Variants in PTPRN observed in about 807,000 individuals in gnomAD.
PTPRN encodes receptor-type tyrosine-protein phosphatase-like N.
In PTPRN, 70 loss-of-function variants were observed where a neutral mutation model predicts 108.5. That is an observed-to-expected ratio of 0.65 (90% CI 0.53 to 0.79). The LOEUF (loss-of-function observed/expected upper bound fraction) is 0.79, where lower values mean the gene tolerates loss of function less well. Among genes scored for constraint, PTPRN ranks in the 30% least tolerant of loss-of-function variants. The pLI is 0.00. For missense variants in PTPRN, 1,136 were observed against 1,295.5 expected (o/e 0.88, Z 1.89); for synonymous variants, 496 against 524.6 (o/e 0.95, Z 0.75).
chr2:219,290,046 G>A lies in PTPRN; in HGVS notation c.*180C>T. On this transcript the variant is annotated 3_prime_UTR_variant, in exon 23 of 23. Coordinates refer to ENST00000295718, the MANE Select transcript of PTPRN (RefSeq NM_002846.4). This position sits in a 1 kb window ranked among gnomAD's most constrained non-coding sequence, Gnocchi z 4.2. Reference sequence around the variant, plus strand: ...TGCCCTGGGCTCTGGGATGCCCCAGGCTCTGGCATGCGAGGCTGGGCAGGC... The same window carrying A: ...TGCCCTGGGCTCTGGGATGCCCCAGACTCTGGCATGCGAGGCTGGGCAGGC... 1.6e-6 allele frequency: 1 copy of A among 628,648 alleles called. No homozygotes were observed. Among genetic ancestry groups the A allele is most frequent in the Non-Finnish European group, 2.9e-6 (1 of 350,436 alleles). 38.9% of individuals were successfully genotyped at this position (628,648 alleles called of 1,614,324 possible).
Position 219,294,962 on chromosome 2 carries a change from CGCCCGCGCTCACCTGCGGAA to C in PTPRN, c.2668_2675+12del. 1.3e-6 allele frequency: 2 copies of C among 1,540,848 alleles called. No individual in the cohort carries two copies. The highest frequency in any genetic ancestry group is 8.7e-7 in the Non-Finnish European group (1 of 1,145,646). On this transcript the variant is annotated splice_donor_variant and splice_donor_5th_base_variant and coding_sequence_variant and intron_variant, in exon 19 of 23. Transcript: ENST00000295718. LOFTEE classifies it high-confidence loss of function. ...CCCATGCGGTCCCTCCAGGCGGGGG[CGCCCGCGCTCACCTGCGGAA>C]GTCCAGCAGGGGCCGCGTGGAGGCC...
In PTPRN at chr2:219,296,907, C is replaced by T. The variant is rs1411802282; in HGVS notation, c.2236+78G>A. On this transcript the variant is annotated intron_variant, in intron 15 of 22. Coordinates refer to ENST00000295718, the MANE Select transcript of PTPRN (RefSeq NM_002846.4). This position sits in a 1 kb window ranked among gnomAD's most constrained non-coding sequence, Gnocchi z 6.0. The stretch of plus-strand genomic sequence containing the variant: ...CTGCCACTCAGCCTGAGCCAGAAGC[C>T]CAACCCCTTACCCCAAGCCCTCCAG... The T allele has an allele frequency of 6.2e-7, 1 of 1,612,374 alleles. No homozygotes were observed. Among genetic ancestry groups the T allele is most frequent in the Non-Finnish European group, 8.5e-7 (1 of 1,178,940 alleles).
chr2:219,296,773 G>T lies in PTPRN; in HGVS notation c.2286C>A (p.Ser762Arg). Residue 762 changes from serine to arginine, a missense_variant, in exon 16 of 23, where the codon AGC (serine) becomes AGA (arginine). Coordinates refer to ENST00000295718, the MANE Select transcript of PTPRN (RefSeq NM_002846.4). The surrounding 1 kb of genome is among the most constrained non-coding windows in gnomAD (Gnocchi z 6.0). The part of the protein sequence containing the change: ...KLKVESSPSR[S>R]DYINASPIIE... ...CAATGGGGCTGGCGTTGATGTAATC[G>T]CTCCGAGAAGGGCTGCTCTCCACCT... is the stretch of plus-strand genomic sequence containing the variant. 1 of 1,614,016 alleles carries T rather than the reference G, an allele frequency of 6.2e-7. No homozygotes were observed.
intron 12 of PTPRN, among the ~76,000 whole-genome samples, chr2:219,298,833 TAC>T: frequency 6.6e-6 from 1 of 152,382 alleles, no homozygotes; most frequent in Non-Finnish European, 1.5e-5. Flanking sequence ...GCCTTTTTAC[TAC>T]AGAGGGCTGG....
chr2:219,292,770 C>T (rs1019898078), intron 19 of PTPRN: 9 of 152,178 alleles, frequency 5.9e-5, no homozygotes, highest in African/African-American at 1.9e-4. Flanking sequence ...GGAACCGAGC[C>T]GCATAGCAGG....
intron 18 of PTPRN, 183 bp from the exon 19 acceptor site, chr2:219,295,324 ACTAGTAG>A (rs1464953120): frequency 3.4e-6 from 2 of 590,374 alleles, no homozygotes; most frequent in Admixed American, 7.1e-5. Flanking sequence ...GCTCAGGACC[ACTAGTAG>A]CTTTTCCACC....
chr2:219,295,133 C>T lies in PTPRN; in HGVS notation c.2517G>A (p.Leu839=). 1.2e-6 allele frequency: 2 copies of T among 1,610,188 alleles called. No homozygotes were observed. The highest frequency in any genetic ancestry group is 1.7e-6 in the Non-Finnish European group (2 of 1,178,288). Residue 839 remains leucine (L), a synonymous_variant, in exon 19 of 23, where the codon CTG becomes CTA. Transcript: ENST00000295718. ...CCTCGCACCAGATGTGCTCCGACACCAGGTTCACCTGCCCGGCAGGGGCCC... is the reference window on the plus strand; with the variant it reads ...CCTCGCACCAGATGTGCTCCGACACTAGGTTCACCTGCCCGGCAGGGGCCC... ...ASLYHVYEVN[L]VSEHIWCEDF...
rs724159909 is a variant in PTPRN at position 219,303,751 on chromosome 2, G to A, written c.361C>T (p.Pro121Ser). Residue 121 changes from proline (P) to serine (S), a missense_variant, in exon 4 of 23, where the codon CCC becomes TCC. Transcript: ENST00000295718. ...GCTGCCTACCTGTCCCTTGGACGGG[G>A]CTCTGGGGGGCGAAGCCTGGGGATG... is the stretch of plus-strand genomic sequence containing the variant. Reference protein sequence around the residue: ...ERIPRLRPPEPRPRDRSGLAP... With the variant: ...ERIPRLRPPESRPRDRSGLAP... 1 of 1,613,964 alleles carries A rather than the reference G, an allele frequency of 6.2e-7. No homozygotes were observed. The highest frequency in any genetic ancestry group is 2.2e-5 in the East Asian group (1 of 44,882).
At chr2:219,302,002 G>C in intron 6 of PTPRN, 135 bp downstream of exon 6, 1 of 912,614 alleles carries the variant, frequency 1.1e-6, no homozygotes, top group South Asian at 1.8e-5. Context: ...AGAACAGCTT[G>C]TCAGTAGACA....
In PTPRN at chr2:219,292,123, G is replaced by A. The variant is rs117130203; in HGVS notation, c.2676-600C>T. 70 of 157,380 alleles carry A rather than the reference G, an allele frequency of 4.4e-4. No homozygotes were observed. In the East Asian group the frequency reaches 0.013, roughly 30 times the overall value. 9.7% of individuals were successfully genotyped at this position (157,380 alleles called of 1,614,324 possible). ...ACCAGTTGTGACATCAGGCTGCCCT[G>A]GGCATAGTGTTCCCTGGGCCAGGGG... is the stretch of plus-strand genomic sequence containing the variant. On this transcript the variant is annotated intron_variant, in intron 19 of 22. Transcript: ENST00000295718.
chr2:219,304,307 T>C (rs1257308036), intron 3 of PTPRN, among the ~76,000 whole-genome samples: 2 of 152,202 alleles, frequency 1.3e-5, no homozygotes, highest in African/African-American at 4.8e-5. Flanking sequence ...AAACGATACA[T>C]ATTTCAGGGG....
rs774348702 is a variant in PTPRN at position 219,302,456 on chromosome 2, G to A, written c.675C>T (p.Gly225=). 1 of 1,614,072 alleles carries A rather than the reference G, an allele frequency of 6.2e-7. No homozygotes were observed. The highest frequency in any genetic ancestry group is 8.5e-7 in the Non-Finnish European group (1 of 1,179,960). Residue 225 remains glycine, a synonymous_variant, in exon 6 of 23, where the codon GGC becomes GGT. Transcript: ENST00000295718. ...GSRDGSRVSE[G]SPGMVSVGPL... ...GGCCGACACTGACCATCCCTGGGGA[G>A]CCCTCTGAGACCCTGGAGCCATCAC...
rs771067786 is a variant in PTPRN, at chr2:219,299,700, C to T, written c.1523G>A (p.Ser508Asn). Residue 508 changes from serine (S) to asparagine (N), a missense_variant and splice_region_variant, in exon 10 of 23, where the codon AGT becomes AAT. Coordinates refer to ENST00000295718, the MANE Select transcript of PTPRN (RefSeq NM_002846.4). ...TGCCCTAGCAAGATGCCAGCCCCAC[C>T]TGATGTTGATGAAGCTGCCTGAGGA... ...HMSSGSFINI[S>N]VVGPALTFRI... 52 of 1,594,438 alleles carry T rather than the reference C, an allele frequency of 3.3e-5. No homozygotes were observed. The highest frequency in any genetic ancestry group is 1.7e-5 in the Admixed American group (1 of 58,378).
intron 4 of PTPRN, 41 bp downstream of exon 4, chr2:219,303,694 C>T: frequency 3.2e-6 from 5 of 1,556,466 alleles, no homozygotes; most frequent in Non-Finnish European, 4.4e-6. Context: ...ACAGATTCAT[C>T]AGCCTCACCA....
At chr2:219,307,079 A>G (rs769791719) in intron 3 of PTPRN, 11 of 176,972 alleles carry the variant, frequency 6.2e-5, no homozygotes, top group Non-Finnish European at 1.3e-4. Context: ...TGCCTGCTAC[A>G]TAGTAAGTAC....
In PTPRN at chr2:219,297,211, T is replaced by C. The variant is rs1952223021; in HGVS notation, c.2088+22A>G. 2 of 1,611,544 alleles carry C rather than the reference T, an allele frequency of 1.2e-6. No homozygotes were observed. The highest frequency in any genetic ancestry group is 1.7e-5 in the Admixed American group (1 of 59,922). ...CACCATCCCATTCCTTCACCCACTC[T>C]GGGCCCAGGCCCTGTCCTGACCAGA... On this transcript the variant is annotated intron_variant, in intron 14 of 22. Coordinates refer to ENST00000295718, the MANE Select transcript of PTPRN (RefSeq NM_002846.4). This position sits in a 1 kb window ranked among gnomAD's most constrained non-coding sequence, Gnocchi z 6.0.
rs1279152860 is a variant in PTPRN, at chr2:219,300,131, A to G, written c.1290T>C (p.Ser430=). 6.2e-7 allele frequency: 1 copy of G among 1,614,096 alleles called. No individual in the cohort carries two copies. Among genetic ancestry groups the G allele is most frequent in the East Asian group, 2.2e-5 (1 of 44,880 alleles). The change falls in exon 9 of 23, where the codon TCT becomes TCC. Residue 430 remains serine, a synonymous_variant. Transcript: ENST00000295718. The part of the protein sequence containing the change: ...EVQQVPSPVS[S]EPPKAARPPV... ...GGGGTCTGGCAGCTTTGGGAGGCTCAGAGGAGACAGGGCTTGGCACCTGCT... is the reference window on the plus strand; with the variant it reads ...GGGGTCTGGCAGCTTTGGGAGGCTCGGAGGAGACAGGGCTTGGCACCTGCT...
Position 219,296,075 on chromosome 2 carries a change from T to C in PTPRN, c.2508+151A>G. ...ATGGGTATGCATATATGTGTTTATA[T>C]ATATTCATATATGTATGAATCATGA... On this transcript the variant is annotated intron_variant, in intron 18 of 22. Coordinates refer to ENST00000295718, the MANE Select transcript of PTPRN (RefSeq NM_002846.4). The surrounding 1 kb of genome is among the most constrained non-coding windows in gnomAD (Gnocchi z 6.0). 9.2e-7 allele frequency: 1 copy of C among 1,090,614 alleles called. No homozygotes were observed. The highest frequency in any genetic ancestry group is 1.3e-6 in the Non-Finnish European group (1 of 747,836). 67.6% of individuals were successfully genotyped at this position (1,090,614 alleles called of 1,614,324 possible).
In PTPRN at chr2:219,295,017, T is replaced by C. The variant is rs376114976; in HGVS notation, c.2633A>G (p.Glu878Gly). ...TQFHFLSWPA[E>G]GTPASTRPLL... is the part of the protein sequence containing the mutation. ...GGGCCGCGTGGAGGCCGGTGTGCCC[T>C]CTGCCGGCCAGCTGAGGAAGTGGAA... Residue 878 changes from glutamate to glycine, a missense_variant, in exon 19 of 23, where the codon GAG becomes GGG. Transcript: ENST00000295718. 40 of 1,609,832 alleles carry C rather than the reference T, an allele frequency of 2.5e-5. No homozygotes were observed. Among genetic ancestry groups the C allele is most frequent in the Non-Finnish European group, 3.1e-5 (36 of 1,178,274 alleles).
Sources: gnomAD v4.1 joint callset for allele counts (sites outside exome capture counted in the v4.1 genomes callset) on GRCh38, gnomAD v4.1.1 for gene constraint, Gnocchi (gnomAD v3.1) non-coding constraint, MANE v1.5 for transcripts, NCBI Gene and HGNC (gene_info 2026-07-23, HGNC 2026-07-21) for gene names.